The following OXSR1 variants were observed in gnomAD, a reference collection of about 807,000 sequenced individuals.
OXSR1 encodes the protein oxidative stress responsive kinase 1, also known as serine/threonine-protein kinase OSR1.
Under a neutral mutation model 79.8 loss-of-function variants are expected in OXSR1, and 24 were observed. That is an observed-to-expected ratio of 0.30 (90% CI 0.22 to 0.42). OXSR1 has a LOEUF of 0.42. Ranked by LOEUF, OXSR1 falls within the 10% of genes least tolerant of loss-of-function variation. The pLI is 1.00. For missense variants in OXSR1, 430 were observed against 618.4 expected, an observed-to-expected ratio of 0.70 and a Z score of 3.23; for synonymous variants, 226 against 209.2, an observed-to-expected ratio of 1.08 and a Z score of -0.69.
chr3:38,253,026 T>G lies in OXSR1; in HGVS notation c.*135T>G. The stretch of plus-strand genomic sequence containing the variant: ...GCTAGGAGCTTTAGAAGTCTTTATG[T>G]TCTTCCTGCCATCATTCCTCCTTTT... On this transcript the variant is annotated 3_prime_UTR_variant, in exon 18 of 18. Coordinates refer to ENST00000311806, the MANE Select transcript of OXSR1 (RefSeq NM_005109.3). 1 of 654,472 alleles carries G rather than the reference T, an allele frequency of 1.5e-6. No homozygotes were observed. Among genetic ancestry groups the G allele is most frequent in the East Asian group, 2.7e-5 (1 of 36,410 alleles). 40.5% of individuals were successfully genotyped at this position (654,472 alleles called of 1,614,324 possible).
Position 38,165,784 on chromosome 3 carries a change from G to T in OXSR1, c.-93G>T. Reference sequence around the variant, plus strand: ...GACGATTGGTGGGGGCGCGGCGGCGGCGGCGGCGGCTGTTGGGGGTGGGGA... The same window carrying T: ...GACGATTGGTGGGGGCGCGGCGGCGTCGGCGGCGGCTGTTGGGGGTGGGGA... On this transcript the variant is annotated 5_prime_UTR_variant, in exon 1 of 18. Transcript: ENST00000311806. 3 of 1,150,148 alleles carry T rather than the reference G, an allele frequency of 2.6e-6. No homozygotes were observed. Among genetic ancestry groups the T allele is most frequent in the South Asian group, 2.7e-5 (2 of 74,252 alleles). The allele number at this position is 1,150,148 out of a possible 1,614,324, so 71.2% of individuals were successfully genotyped here.
At chr3:38,213,766 T>G (rs1702432053) in intron 4 of OXSR1, among the ~76,000 whole-genome samples, 1 of 152,168 alleles carries the variant, frequency 6.6e-6, no homozygotes, top group Non-Finnish European at 1.5e-5. Flanking sequence ...AATACCCTGG[T>G]CCAAAGGGAA....
At chr3:38,209,814 G>A (rs1447954893) in intron 4 of OXSR1, among the ~76,000 whole-genome samples, 1 of 151,716 alleles carries the variant, frequency 6.6e-6, no homozygotes, top group African/African-American at 2.4e-5. Context: ...TGGTAGAGAC[G>A]GGGTTTCACC....
Position 38,240,998 on chromosome 3 carries a change from A to G in OXSR1, c.1075-1745A>G, listed in dbSNP as rs1271257589. On this transcript the variant is annotated intron_variant, in intron 11 of 17. Coordinates refer to ENST00000311806, the MANE Select transcript of OXSR1 (RefSeq NM_005109.3). ...GTCGCAAGGATAGGATTAGGCAGGA[A>G]TCATCAATGAAGCTAAATATAGGGG... is the stretch of plus-strand genomic sequence containing the variant. Among the ~76,000 whole-genome samples the G allele has an allele frequency of 2.0e-5, 3 of 152,296 alleles. No homozygotes were observed. In the East Asian group the frequency reaches 5.8e-4, roughly 29 times the overall value.
At chr3:38,195,517 G>A (rs948716130) in intron 3 of OXSR1, among the ~76,000 whole-genome samples, 3 of 152,142 alleles carry the variant, frequency 2.0e-5, no homozygotes, top group African/African-American at 7.2e-5. Context: ...ACCTTCTGAG[G>A]CTTAGGAAGA....
chr3:38,165,374 TC>T (rs1456926446), upstream of OXSR1: 3 of 160,298 alleles, frequency 1.9e-5, no homozygotes, highest in African/African-American at 7.2e-5. Context: ...AAGCACTTCT[TC>T]CCTTTCACCG....
chr3:38,189,508 A>T (rs574951444), intron 2 of OXSR1, among the ~76,000 whole-genome samples: 2 of 152,226 alleles, frequency 1.3e-5, no homozygotes, highest in Non-Finnish European at 2.9e-5. Flanking sequence ...AGGAAGTTGC[A>T]TTCAAGTAAA....
intron 4 of OXSR1, among the ~76,000 whole-genome samples, chr3:38,204,000 T>C (rs758989800): frequency 5.3e-5 from 8 of 152,018 alleles, no homozygotes; most frequent in Non-Finnish European, 1.0e-4. Flanking sequence ...ACCTTAGGAA[T>C]CTACCTGGTC....
chr3:38,165,974 G>C (rs749215448), intron 1 of OXSR1, 28 bp downstream of exon 1: 2 of 1,596,376 alleles, frequency 1.3e-6, no homozygotes, highest in Non-Finnish European at 1.7e-6. Flanking sequence ...GGAGGGGGGA[G>C]GCGCGGCGCT....
At chr3:38,227,717 AC>A (rs1324234451) in intron 8 of OXSR1, among the ~76,000 whole-genome samples, 1 of 152,112 alleles carries the variant, frequency 6.6e-6, no homozygotes, top group African/African-American at 2.4e-5. Context: ...AGAGTAAAGA[AC>A]CATCCCCCCA....
At position 38,254,101 on chromosome 3, in the gene OXSR1, CTT is replaced by C; in HGVS notation, c.*1212_*1213del. 5.0e-6 allele frequency: 2 copies of C among 398,348 alleles called. No individual in the cohort carries two copies. Among genetic ancestry groups the C allele is most frequent in the Non-Finnish European group, 8.9e-6 (2 of 225,700 alleles). The allele number at this position is 398,348 out of a possible 1,614,324, so 24.7% of individuals were successfully genotyped here. ...TTCTTTTTTCCTACCGTTTCATAGT[CTT>C]TGTCTAACTGCTAGTAACCCTACCG... On this transcript the variant is annotated 3_prime_UTR_variant, in exon 18 of 18. Coordinates refer to ENST00000311806, the MANE Select transcript of OXSR1 (RefSeq NM_005109.3).
At chr3:38,182,890 T>A in intron 1 of OXSR1, 113 bp from the exon 2 acceptor site, 1 of 570,286 alleles carries the variant, frequency 1.8e-6, no homozygotes, top group Non-Finnish European at 3.0e-6. Flanking sequence ...CTATCTGTTA[T>A]GCGCTGTAGG....
chr3:38,166,043 A>T (rs1010425324), intron 1 of OXSR1, 97 bp downstream of exon 1: 18 of 1,114,334 alleles, frequency 1.6e-5, no homozygotes, highest in Non-Finnish European at 2.1e-5. Flanking sequence ...CGCAGCCCTC[A>T]TAGGAATTCG....
At chr3:38,228,003 G>A (rs149649545) in intron 8 of OXSR1, among the ~76,000 whole-genome samples, 223 of 152,282 alleles carry the variant, frequency 1.5e-3, no homozygotes, top group African/African-American at 5.0e-3. Context: ...TTTGAACATC[G>A]TGGAGTGTAC....
At chr3:38,251,261 A>G (rs532936500) in intron 15 of OXSR1, 142 bp from the exon 16 acceptor site, 2 of 690,780 alleles carry the variant, frequency 2.9e-6, no homozygotes, top group African/African-American at 1.8e-5. Context: ...TATGGAAGGA[A>G]GGCCCTGCCT....
chr3:38,168,273 G>A (rs1299208474), intron 1 of OXSR1, among the ~76,000 whole-genome samples: 1 of 152,072 alleles, frequency 6.6e-6, no homozygotes, highest in African/African-American at 2.4e-5. Context: ...TCCCTGTGTC[G>A]TACAACTATC....
At chr3:38,165,015 C>T (rs1179984079), upstream of OXSR1, 7 of 152,268 alleles carry the variant, frequency 4.6e-5, no homozygotes, top group African/African-American at 7.2e-5. Flanking sequence ...TTTCGCACGT[C>T]TCGAGGGTGT....
At chr3:38,208,983 TGTGCGC>T (rs1451128284) in intron 4 of OXSR1, among the ~76,000 whole-genome samples, 7 of 127,770 alleles carry the variant, frequency 5.5e-5, no homozygotes, top group East Asian at 4.3e-4. Context: ...TGTGTGTGTG[TGTGCGC>T]GCGCGCGTGC....
intron 4 of OXSR1, among the ~76,000 whole-genome samples, chr3:38,209,315 C>G (rs1702337426): frequency 6.6e-6 from 1 of 151,808 alleles, no homozygotes; most frequent in African/African-American, 2.4e-5. Context: ...ACCTCTTGGG[C>G]TCAAGTAATT....
Sources: gnomAD v4.1 joint callset for allele counts (sites outside exome capture counted in the v4.1 genomes callset) on GRCh38, gnomAD v4.1.1 for gene constraint, MANE v1.5 for transcripts, NCBI Gene and HGNC (gene_info 2026-07-23, HGNC 2026-07-21) for gene names.